XKR9: variants seen among roughly 807,000 people sequenced by gnomAD.
XKR9 encodes XK related 9.
Under a neutral mutation model 32.0 loss-of-function variants are expected in XKR9, and 32 were observed. The ratio of observed to expected loss-of-function variants is 1.00; its 90% CI spans 0.76 to 1.34. XKR9 has a LOEUF of 1.34. XKR9 is among the 40% of genes most tolerant of loss of function. The probability of loss-of-function intolerance (pLI) is 0.00; values close to 1 mark genes in which losing one functional copy is unlikely to be tolerated. For missense variants in XKR9, 546 were observed against 429.7 expected (o/e 1.27, Z -2.39); for synonymous variants, 168 against 143.4 (o/e 1.17, Z -1.22).
At chr8:70,856,855 A>G in the XKR9 span, among the ~76,000 whole-genome samples, 1 of 152,234 alleles carries the variant, frequency 6.6e-6, no homozygotes, top group African/African-American at 2.4e-5. Flanking sequence ...AAACTGGACA[A>G]CATGCTCCAG....
At chr8:70,738,720 G>A (rs949629649), downstream of XKR9, among the ~76,000 whole-genome samples, 89 of 152,016 alleles carry the variant, frequency 5.9e-4, 1 homozygote, top group South Asian at 2.3e-3. Flanking sequence ...CCTTCATTTC[G>A]TTATGTACCC....
chr8:70,696,533 T>G (rs948524920), intron 3 of XKR9, among the ~76,000 whole-genome samples: 51 of 146,348 alleles, frequency 3.5e-4, no homozygotes, highest in African/African-American at 1.3e-3. Context: ...TTCTGTTCCA[T>G]TGATCTATAT....
chr8:70,781,419 A>G (rs1246133181), intron 2 of XKR9, among the ~76,000 whole-genome samples: 1 of 151,400 alleles, frequency 6.6e-6, no homozygotes, highest in Non-Finnish European at 1.5e-5. Flanking sequence ...ACATGTAATA[A>G]TTGTATATAT....
the XKR9 span, among the ~76,000 whole-genome samples, chr8:70,859,830 G>A: frequency 6.6e-6 from 1 of 152,092 alleles, no homozygotes; most frequent in African/African-American, 2.4e-5. Context: ...CCAGAGGCTA[G>A]GAAGGATGTG....
chr8:71,015,398 G>A, the XKR9 span, among the ~76,000 whole-genome samples: 1 of 152,190 alleles, frequency 6.6e-6, no homozygotes, highest in Non-Finnish European at 1.5e-5. Flanking sequence ...TATTTTGGAA[G>A]AGGCTGGGCA....
chr8:70,925,470 A>G, the XKR9 span, among the ~76,000 whole-genome samples: 1 of 152,256 alleles, frequency 6.6e-6, no homozygotes, highest in Non-Finnish European at 1.5e-5. Flanking sequence ...CAATAACTCT[A>G]TAAATTAACT....
At chr8:70,951,782 C>T in the XKR9 span, among the ~76,000 whole-genome samples, 2 of 152,286 alleles carry the variant, frequency 1.3e-5, no homozygotes, top group South Asian at 4.1e-4. Context: ...CAGTTATAAA[C>T]CCCAACTGTC....
At chr8:70,677,320 A>AT (rs919991220) in intron 2 of XKR9, among the ~76,000 whole-genome samples, 2 of 151,190 alleles carry the variant, frequency 1.3e-5, no homozygotes, top group Non-Finnish European at 3.0e-5. Context: ...TAATTTTTGT[A>AT]TTTTTTTTGT....
chr8:70,861,264 G>C, the XKR9 span, among the ~76,000 whole-genome samples: 1 of 152,074 alleles, frequency 6.6e-6, no homozygotes, highest in Non-Finnish European at 1.5e-5. Context: ...CCTCCACTCG[G>C]TAGTTGTGTG....
the XKR9 span, among the ~76,000 whole-genome samples, chr8:71,041,602 C>G: frequency 6.6e-6 from 1 of 152,116 alleles, no homozygotes; most frequent in Non-Finnish European, 1.5e-5. Flanking sequence ...GTAATCCCCA[C>G]ATGTGGAGGG....
the XKR9 span, among the ~76,000 whole-genome samples, chr8:71,008,093 A>G: frequency 6.6e-6 from 1 of 152,228 alleles, no homozygotes; most frequent in Admixed American, 6.5e-5. Context: ...AACATTTAAG[A>G]AAATGAAGAA....
chr8:70,849,814 A>G, the XKR9 span, among the ~76,000 whole-genome samples: 1 of 152,170 alleles, frequency 6.6e-6, no homozygotes, highest in South Asian at 2.1e-4. Context: ...AGAATTACAA[A>G]CTACCATCAG....
At chr8:70,835,071 G>A in the XKR9 span, among the ~76,000 whole-genome samples, 6 of 152,192 alleles carry the variant, frequency 3.9e-5, no homozygotes, top group African/African-American at 1.4e-4. Context: ...AACTGCCCCT[G>A]TGGCTGGCAT....
At chr8:70,757,054 G>T (rs929417446) in intron 2 of XKR9, among the ~76,000 whole-genome samples, 6 of 152,134 alleles carry the variant, frequency 3.9e-5, no homozygotes, top group African/African-American at 1.4e-4. Flanking sequence ...TCATGAAAGG[G>T]TAATGGATTT....
intron 2 of XKR9, among the ~76,000 whole-genome samples, chr8:70,753,731 A>T (rs1427100408): frequency 1.3e-5 from 2 of 151,766 alleles, no homozygotes; most frequent in Non-Finnish European, 1.5e-5. Flanking sequence ...CATGCTAAAA[A>T]CTCTCAATAA....
At chr8:70,764,008 C>T (rs1441571375) in intron 2 of XKR9, among the ~76,000 whole-genome samples, 4 of 152,178 alleles carry the variant, frequency 2.6e-5, no homozygotes, top group East Asian at 3.8e-4. Context: ...ACTGATGCTG[C>T]GTCTGTCTCA....
At chr8:70,937,510 G>A in the XKR9 span, among the ~76,000 whole-genome samples, 1,382 of 152,000 alleles carry the variant, frequency 9.1e-3, 10 homozygotes, top group Non-Finnish European at 0.015. Flanking sequence ...ATGTCATTTT[G>A]TTCTAATCAA....
chr8:70,684,187 A>G (rs1819181058), intron 3 of XKR9, among the ~76,000 whole-genome samples: 1 of 151,958 alleles, frequency 6.6e-6, no homozygotes, highest in Non-Finnish European at 1.5e-5. Flanking sequence ...TCTGTGGATT[A>G]TTATCTTCTA....
chr8:70,695,765 A>C (rs1231321701), intron 3 of XKR9, among the ~76,000 whole-genome samples: 2 of 149,834 alleles, frequency 1.3e-5, no homozygotes, highest in Non-Finnish European at 3.0e-5. Flanking sequence ...TGACTTCCAC[A>C]ATGGTTGAAC....
Sources: gnomAD v4.1 joint callset for allele counts (sites outside exome capture counted in the v4.1 genomes callset) on GRCh38, gnomAD v4.1.1 for gene constraint, MANE v1.5 for transcripts, NCBI Gene and HGNC (gene_info 2026-07-23, HGNC 2026-07-21) for gene names.